Variants in PDS5B observed in about 807,000 individuals in gnomAD.
PDS5B encodes sister chromatid cohesion protein PDS5 homolog B.
A neutral mutation model predicts 184.1 loss-of-function variants in PDS5B; 51 were observed. The observed-to-expected ratio is 0.28, with a 90% CI of 0.22 to 0.35. PDS5B has a LOEUF of 0.35. PDS5B is among the 10% of genes least tolerant of loss of function. The pLI is 1.00. For synonymous variants in PDS5B, 566 were observed against 569.2 expected, an observed-to-expected ratio of 0.99 and a Z score of 0.08; for missense variants, 1,180 against 1,723.3, an observed-to-expected ratio of 0.68 and a Z score of 5.58.
In PDS5B at chr13:32,658,498, C is replaced by T; in HGVS notation, c.464C>T (p.Thr155Ile). Residue 155 changes from threonine (T) to isoleucine (I), a missense_variant, in exon 5 of 35, where the codon ACC becomes ATC. Around this residue, in one of 11 missense-constraint regions of PDS5B, gnomAD observed 3 missense variants for 29.4 expected, o/e 0.10. Coordinates refer to ENST00000315596, the MANE Select transcript of PDS5B (RefSeq NM_015032.4). The stretch of plus-strand genomic sequence containing the variant: ...TTAGAAGATAGCAATGAAATTTTCA[C>T]CCAGCTATACAGAACCTTATTTTCA... ...FELEDSNEIF[T>I]QLYRTLFSVI... 1.3e-6 allele frequency: 2 copies of T among 1,570,552 alleles called. No homozygotes were observed. The highest frequency in any genetic ancestry group is 1.7e-6 in the Non-Finnish European group (2 of 1,147,050).
intron 8 of PDS5B, among the ~76,000 whole-genome samples, chr13:32,674,871 T>TGTCC (rs918524317): frequency 6.6e-6 from 1 of 151,706 alleles, no homozygotes; most frequent in Non-Finnish European, 1.5e-5. Flanking sequence ...AAGAAATAGC[T>TGTCC]GTCCAGGCAC....
chr13:32,653,501 G>T (rs1479514018), intron 3 of PDS5B, among the ~76,000 whole-genome samples: 1 of 152,176 alleles, frequency 6.6e-6, no homozygotes, highest in Admixed American at 6.5e-5. Context: ...GATAACTGAA[G>T]TGAGGAATGT....
At chr13:32,634,803 T>C (rs1213202863) in intron 1 of PDS5B, among the ~76,000 whole-genome samples, 2 of 152,010 alleles carry the variant, frequency 1.3e-5, no homozygotes, top group Non-Finnish European at 2.9e-5. Context: ...GACTGGTCTC[T>C]AACTCCTGAC....
At chr13:32,724,481 C>T (rs570065844) in intron 19 of PDS5B, among the ~76,000 whole-genome samples, 9 of 152,334 alleles carry the variant, frequency 5.9e-5, no homozygotes, top group African/African-American at 2.2e-4. Context: ...TCTCACTCTG[C>T]TTGCAGCAGG....
At chr13:32,750,968 T>C (rs1422696640) in intron 24 of PDS5B, among the ~76,000 whole-genome samples, 1 of 152,066 alleles carries the variant, frequency 6.6e-6, no homozygotes, top group African/African-American at 2.4e-5. Flanking sequence ...GGTGTACAGA[T>C]TATTTCATCA....
rs1353018939 is a variant in PDS5B, at chr13:32,735,203, T to C, written c.2279T>C (p.Leu760Pro). The C allele has an allele frequency of 6.2e-7, 1 of 1,607,814 alleles. No homozygotes were observed. Among genetic ancestry groups the C allele is most frequent in the East Asian group, 2.2e-5 (1 of 44,662 alleles). ...PLHKSLDPSN[L>P]EHLITPLVTI... The stretch of plus-strand genomic sequence containing the variant: ...CATAAGAGCCTAGATCCAAGCAACC[T>C]GGAACATCTCATAACACCATTGGTT... The change falls in exon 21 of 35, where the codon CTG (leucine) becomes CCG (proline). Residue 760 changes from leucine to proline, a missense_variant. By Grantham distance (98) the Leu-to-Pro change is moderately conservative (BLOSUM62 -3). Coordinates refer to ENST00000315596, the MANE Select transcript of PDS5B (RefSeq NM_015032.4).
chr13:32,774,474 AAACC>A, intron 34 of PDS5B, among the ~76,000 whole-genome samples: 1 of 152,356 alleles, frequency 6.6e-6, no homozygotes, highest in African/African-American at 2.4e-5. Context: ...ATGTAAATTA[AAACC>A]CTCTTTTATA....
intron 19 of PDS5B, among the ~76,000 whole-genome samples, chr13:32,716,905 G>A (rs1952457274): frequency 9.9e-6 from 1 of 100,876 alleles, no homozygotes; most frequent in Admixed American, 8.8e-5. Context: ...CCTTTGCCTG[G>A]CCGCCCCTAC....
chr13:32,706,116 A>G (rs1380730196), intron 17 of PDS5B, among the ~76,000 whole-genome samples: 5 of 151,952 alleles, frequency 3.3e-5, no homozygotes, highest in East Asian at 1.9e-4. Context: ...CGTCTCTACT[A>G]AAAATACAAA....
intron 1 of PDS5B, among the ~76,000 whole-genome samples, chr13:32,601,333 G>A (rs568951055): frequency 2.0e-5 from 3 of 152,126 alleles, no homozygotes; most frequent in East Asian, 1.9e-4. Flanking sequence ...TAAACTGGGC[G>A]TTAAACACAG....
intron 19 of PDS5B, among the ~76,000 whole-genome samples, chr13:32,731,372 T>C (rs1953116493): frequency 6.6e-6 from 1 of 152,188 alleles, no homozygotes. Flanking sequence ...TGAATGTTCT[T>C]CCAGGTGGCT....
At chr13:32,612,987 C>G (rs753926200) in intron 1 of PDS5B, among the ~76,000 whole-genome samples, 1 of 152,166 alleles carries the variant, frequency 6.6e-6, no homozygotes, top group Non-Finnish European at 1.5e-5. Flanking sequence ...CTGAACATTG[C>G]GTATTAATGA....
chr13:32,750,847 C>G (rs1211190144), intron 24 of PDS5B, among the ~76,000 whole-genome samples: 1 of 143,426 alleles, frequency 7.0e-6, no homozygotes, highest in Non-Finnish European at 1.5e-5. Flanking sequence ...CGGCCTCCCT[C>G]TGTGTGTGTG....
chr13:32,600,734 G>T (rs185934665), intron 1 of PDS5B, among the ~76,000 whole-genome samples: 1 of 152,142 alleles, frequency 6.6e-6, no homozygotes, highest in Non-Finnish European at 1.5e-5. Context: ...GTGAGACTTC[G>T]TCTTCAAAAC....
chr13:32,696,382 A>G (rs1279209346), intron 14 of PDS5B, among the ~76,000 whole-genome samples: 1 of 152,084 alleles, frequency 6.6e-6, no homozygotes, highest in African/African-American at 2.4e-5. Context: ...CACTGAAATA[A>G]CACTTCCCTG....
chr13:32,627,021 T>A (rs888760339), intron 1 of PDS5B, among the ~76,000 whole-genome samples: 14 of 152,070 alleles, frequency 9.2e-5, no homozygotes, highest in South Asian at 2.1e-4. Context: ...CACTTTTTTT[T>A]ATCACATCAG....
At chr13:32,663,115 C>T (rs1174318572) in intron 6 of PDS5B, among the ~76,000 whole-genome samples, 1 of 152,020 alleles carries the variant, frequency 6.6e-6, no homozygotes, top group Non-Finnish European at 1.5e-5. Context: ...ACAACAATAG[C>T]AACGATAATA....
intron 31 of PDS5B, among the ~76,000 whole-genome samples, chr13:32,768,947 CAA>C (rs770324221): frequency 0.063 from 5,356 of 84,504 alleles, 255 homozygotes; most frequent in African/African-American, 0.18. Context: ...TAAAAAAATA[CAA>C]AAAAAAAAAA....
At chr13:32,730,788 A>G (rs574532642) in intron 19 of PDS5B, among the ~76,000 whole-genome samples, 1 of 152,320 alleles carries the variant, frequency 6.6e-6, no homozygotes, top group East Asian at 1.9e-4. Context: ...ATTTTTGCAC[A>G]TTGATTTTGT....
Sources: allele counts gnomAD v4.1 joint callset (sites outside exome capture counted in the v4.1 genomes callset), GRCh38; gene constraint gnomAD v4.1.1; regional missense constraint gnomAD v4.1.1; transcripts MANE v1.5; gene names NCBI Gene and HGNC (gene_info 2026-07-23, HGNC 2026-07-21).